ACAP2: variants seen among roughly 807,000 people sequenced by gnomAD.
The protein encoded by ACAP2 is ArfGAP with coiled-coil, ankyrin repeat and PH domains 2.
In ACAP2, 39 loss-of-function variants were observed where a neutral mutation model predicts 115.8. The observed-to-expected ratio is 0.34, with a 90% CI of 0.26 to 0.44. ACAP2 has a LOEUF of 0.44. ACAP2 is among the 20% of genes least tolerant of loss of function. ACAP2 has a pLI of 1.00. For missense variants in ACAP2, 662 were observed against 927.6 expected, an observed-to-expected ratio of 0.71 and a Z score of 3.72; for synonymous variants, 289 against 315.8, an observed-to-expected ratio of 0.92 and a Z score of 0.90.
intron 8 of ACAP2, among the ~76,000 whole-genome samples, chr3:195,332,015 T>A (rs371260152): frequency 2.7e-3 from 415 of 150,988 alleles, no homozygotes; most frequent in African/African-American, 9.5e-3. Context: ...GCACCTGTAG[T>A]CCCAGCTACT....
At chr3:195,292,921 C>CAA (rs3988217) in intron 18 of ACAP2, among the ~76,000 whole-genome samples, 15,287 of 76,622 alleles carry the variant, frequency 0.2, 2,710 homozygotes, top group East Asian at 0.65. Context: ...GACTCAGTCT[C>CAA]AAAAAAAAAA....
At chr3:195,423,507 C>T (rs1159474053) in intron 1 of ACAP2, among the ~76,000 whole-genome samples, 8 of 151,314 alleles carry the variant, frequency 5.3e-5, no homozygotes, top group South Asian at 4.2e-4. Flanking sequence ...CCTGTAATCC[C>T]AGCTACTTGG....
At chr3:195,327,923 T>C (rs1317797182) in intron 8 of ACAP2, among the ~76,000 whole-genome samples, 2 of 151,544 alleles carry the variant, frequency 1.3e-5, no homozygotes, top group African/African-American at 4.8e-5. Flanking sequence ...AGTGCAAGAC[T>C]CCATCAGCCC....
intron 9 of ACAP2, 98 bp downstream of exon 9, chr3:195,326,787 C>G: frequency 2.9e-6 from 3 of 1,024,262 alleles, no homozygotes; most frequent in Non-Finnish European, 2.9e-6. Flanking sequence ...ATTAGAACAA[C>G]TCAAAAGATT....
chr3:195,394,157 A>C (rs1167988161), intron 1 of ACAP2, among the ~76,000 whole-genome samples: 1 of 152,044 alleles, frequency 6.6e-6, no homozygotes, highest in Non-Finnish European at 1.5e-5. Context: ...TCAACCACTC[A>C]AGCTGAATGG....
chr3:195,328,029 T>A (rs1159545451), intron 8 of ACAP2, among the ~76,000 whole-genome samples: 1 of 152,122 alleles, frequency 6.6e-6, no homozygotes, highest in Non-Finnish European at 1.5e-5. Context: ...GGGAAGTATT[T>A]GATTTCCAGT....
chr3:195,287,873 G>C (rs1294145493), intron 21 of ACAP2, among the ~76,000 whole-genome samples: 1 of 152,122 alleles, frequency 6.6e-6, no homozygotes, highest in Non-Finnish European at 1.5e-5. Flanking sequence ...GGAGGCTGAG[G>C]CAGGTGGATC....
Position 195,292,459 on chromosome 3 carries a change from A to C in ACAP2, c.1766-7T>G. ...GAATCTTGCCTTTCTCCTTCTGAAA[A>C]GCAAACACATACACATCAATAAAAA... On this transcript the variant is annotated splice_region_variant and splice_polypyrimidine_tract_variant and intron_variant, in intron 18 of 22. Coordinates refer to ENST00000326793, the MANE Select transcript of ACAP2 (RefSeq NM_012287.6). 1 of 1,598,882 alleles carries C rather than the reference A, an allele frequency of 6.3e-7. No individual in the cohort carries two copies.
In ACAP2 at chr3:195,425,995, C is replaced by T. The variant is rs571101836; in HGVS notation, c.53+16800G>A. Among the ~76,000 whole-genome samples, 146 of 152,284 alleles carry T rather than the reference C, an allele frequency of 9.6e-4. 1 individual carries two copies. Among genetic ancestry groups the T allele is most frequent in the African/African-American group, 3.1e-3 (130 of 41,572 alleles). ...CTCAAAATATTTTTAAAACATAAACCTTATCTCCCACCACTGCTAAAAGCT... is the reference window on the plus strand; with the variant it reads ...CTCAAAATATTTTTAAAACATAAACTTTATCTCCCACCACTGCTAAAAGCT... On this transcript the variant is annotated intron_variant, in intron 1 of 22. Transcript: ENST00000326793.
chr3:195,334,105 A>G (rs1460603128), intron 7 of ACAP2, among the ~76,000 whole-genome samples: 2 of 152,090 alleles, frequency 1.3e-5, no homozygotes, highest in Non-Finnish European at 2.9e-5. Flanking sequence ...ATAATACTGA[A>G]AAAATATTCT....
intron 1 of ACAP2, among the ~76,000 whole-genome samples, chr3:195,438,507 A>G (rs1387043637): frequency 6.6e-6 from 1 of 152,164 alleles, no homozygotes; most frequent in African/African-American, 2.4e-5. Context: ...ACCAATCCAG[A>G]CTTAATAGCA....
At chr3:195,299,591 C>G (rs1026537124) in intron 15 of ACAP2, among the ~76,000 whole-genome samples, 4 of 150,820 alleles carry the variant, frequency 2.7e-5, no homozygotes, top group African/African-American at 9.7e-5. Context: ...GTAATCCCAG[C>G]ACTTTGGGAG....
chr3:195,315,593 A>C (rs1315277023), intron 10 of ACAP2, among the ~76,000 whole-genome samples: 2 of 152,194 alleles, frequency 1.3e-5, no homozygotes, highest in Admixed American at 1.3e-4. Flanking sequence ...TTTGCCCCTC[A>C]ATTTGTTCAC....
chr3:195,326,999 A>T (rs766821021), intron 8 of ACAP2, 40 bp from the exon 9 acceptor site: 3 of 1,537,576 alleles, frequency 2.0e-6, no homozygotes, highest in Non-Finnish European at 2.7e-6. Context: ...ACTTAAAAAA[A>T]GTATGGATTA....
chr3:195,339,103 C>T (rs1730704686), intron 6 of ACAP2, among the ~76,000 whole-genome samples: 3 of 151,948 alleles, frequency 2.0e-5, no homozygotes, highest in African/African-American at 7.3e-5. Flanking sequence ...TGGTGGTGGG[C>T]GCCTGTAATC....
At chr3:195,353,070 ACT>A (rs1221605260) in intron 4 of ACAP2, among the ~76,000 whole-genome samples, 1 of 139,020 alleles carries the variant, frequency 7.2e-6, no homozygotes, top group Non-Finnish European at 1.5e-5. Flanking sequence ...ACAGAGTGAG[ACT>A]CTGTCTTTAA....
intron 6 of ACAP2, among the ~76,000 whole-genome samples, chr3:195,338,109 A>C (rs1317279359): frequency 6.6e-6 from 1 of 152,186 alleles, no homozygotes; most frequent in Non-Finnish European, 1.5e-5. Context: ...CTTCTTACGT[A>C]CTGTCTAGTA....
chr3:195,404,166 T>C (rs1484738256), intron 1 of ACAP2, among the ~76,000 whole-genome samples: 1 of 151,686 alleles, frequency 6.6e-6, no homozygotes, highest in African/African-American at 2.4e-5. Flanking sequence ...CATACATACA[T>C]ACACACATAA....
Position 195,279,208 on chromosome 3 carries a change from T to C in ACAP2, c.*120A>G, listed in dbSNP as rs1577223415. 1.6e-6 allele frequency: 1 copy of C among 629,276 alleles called. No individual in the cohort carries two copies. The highest frequency in any genetic ancestry group is 2.7e-6 in the Non-Finnish European group (1 of 369,306). The allele number at this position is 629,276 out of a possible 1,614,324, so 39.0% of individuals were successfully genotyped here. On this transcript the variant is annotated 3_prime_UTR_variant, in exon 23 of 23. Coordinates refer to ENST00000326793, the MANE Select transcript of ACAP2 (RefSeq NM_012287.6). ...TAAATATATGAATGGGTACCTCTTT[T>C]CCAAGCCATTCAATATCTACCAAAA...
Sources: allele counts gnomAD v4.1 joint callset (sites outside exome capture counted in the v4.1 genomes callset), GRCh38; gene constraint gnomAD v4.1.1; transcripts MANE v1.5; gene names NCBI Gene and HGNC (gene_info 2026-07-23, HGNC 2026-07-21).